ZNF674: variants seen among roughly 807,000 people sequenced by gnomAD.
ZNF674 encodes the protein zinc finger protein 674, also known as zinc finger family member 674.
In ZNF674, 2 loss-of-function variants were observed where a neutral mutation model predicts 7.0. The observed-to-expected ratio is 0.29, with a 90% CI of 0.12 to 0.90. The LOEUF (loss-of-function observed/expected upper bound fraction) is 0.90. Among genes scored for constraint, ZNF674 ranks in the 40% least tolerant of loss-of-function variants. The probability of loss-of-function intolerance (pLI) is 0.57; values close to 1 mark genes in which losing one functional copy is unlikely to be tolerated. For synonymous variants in ZNF674, 103 were observed against 145.2 expected (o/e 0.71, Z 2.09); for missense variants, 297 against 415.5 (o/e 0.71, Z 2.48).
chrX:46,536,251 G>C (rs928192091), intron 3 of ZNF674, among the ~76,000 whole-genome samples: 2 of 110,876 alleles, frequency 1.8e-5, no homozygotes, highest in Admixed American at 1.9e-4. Flanking sequence ...CTTGAGCTCA[G>C]GAGTTTGAAA....
chrX:46,512,720 C>T (rs545923749), intron 5 of ZNF674, among the ~76,000 whole-genome samples: 54 of 106,858 alleles, frequency 5.1e-4, no homozygotes, highest in African/African-American at 1.8e-3. Context: ...GCCGAGATGG[C>T]ACCACTGCAC....
chrX:46,544,276 G>A (rs1031737273), intron 2 of ZNF674, among the ~76,000 whole-genome samples: 1 of 113,021 alleles, frequency 8.8e-6, no homozygotes. Flanking sequence ...GAGGGACAAA[G>A]GCCACTACGG....
chrX:46,513,328 C>G (rs755332539), intron 5 of ZNF674, among the ~76,000 whole-genome samples: 1 of 111,760 alleles, frequency 8.9e-6, no homozygotes, highest in Admixed American at 9.5e-5. Flanking sequence ...GGAAATCTAA[C>G]TAGTCAATAA....
chrX:46,519,264 A>AGATAGAT (rs1556015268), intron 5 of ZNF674, among the ~76,000 whole-genome samples: 19 of 57,801 alleles, frequency 3.3e-4, no homozygotes, highest in East Asian at 1.3e-3. Context: ...ATAGATAGAT[A>AGATAGAT]AAGATAGATG....
At chrX:46,536,985 C>G (rs780669684) in intron 3 of ZNF674, among the ~76,000 whole-genome samples, 3 of 111,852 alleles carry the variant, frequency 2.7e-5, no homozygotes, top group Non-Finnish European at 5.6e-5. Context: ...AATTGACTCA[C>G]ACAGGACGGG....
At chrX:46,509,647 TG>T (rs754399208) in intron 5 of ZNF674, among the ~76,000 whole-genome samples, 11 of 98,326 alleles carry the variant, frequency 1.1e-4, no homozygotes, top group Middle Eastern at 4.8e-3. Flanking sequence ...CAACAGATGC[TG>T]GAGAGGATGT....
Position 46,537,905 on chromosome X carries a change from A to AG in ZNF674, c.15+4167dup, listed in dbSNP as rs758849494. Among the ~76,000 whole-genome samples, 354 of 111,820 alleles carry AG rather than the reference A, an allele frequency of 3.2e-3. 3 individuals carry two copies. Among genetic ancestry groups the AG allele is most frequent in the Middle Eastern group, 0.014 (3 of 217 alleles). On this transcript the variant is annotated intron_variant, in intron 3 of 5. Transcript: ENST00000683375. ...GGAATTCAAGATCGGCCTGGCCAGC[A>AG]GGGTGAAACCCCGTCTCTACTAAAA...
Position 46,499,496 on chromosome X carries a change from TTA to T in ZNF674, c.*345_*346del, listed in dbSNP as rs1941373037. 7.7e-6 allele frequency: 1 copy of T among 130,359 alleles called. No homozygotes were observed. Among genetic ancestry groups the T allele is most frequent in the Admixed American group, 8.3e-5 (1 of 12,096 alleles). The allele number at this position is 130,359 out of a possible 1,213,427, so 10.7% of individuals were successfully genotyped here. On this transcript the variant is annotated 3_prime_UTR_variant, in exon 6 of 6. Coordinates refer to ENST00000683375, the MANE Select transcript of ZNF674 (RefSeq NM_001190417.2). ...ATGGTTTTATAAGCTCACTAAATTC[TTA>T]GTTTTCCTCGGCATACATACTCTGA...
chrX:46,530,711 T>C (rs1467360426), intron 3 of ZNF674, among the ~76,000 whole-genome samples: 2 of 113,228 alleles, frequency 1.8e-5, no homozygotes, highest in Non-Finnish European at 3.7e-5. Context: ...TCTGAAGTGA[T>C]CAAAGTGTCT....
At chrX:46,536,977 T>C (rs748570385) in intron 3 of ZNF674, among the ~76,000 whole-genome samples, 3 of 111,706 alleles carry the variant, frequency 2.7e-5, no homozygotes, top group East Asian at 2.8e-4. Flanking sequence ...ATGATAAAAA[T>C]TGACTCACAC....
At position 46,521,268 on chromosome X, in the gene ZNF674, T is replaced by G. The variant is rs1388538737; in HGVS notation, c.238+7082A>C. Among the ~76,000 whole-genome samples, 3 of 109,633 alleles carry G rather than the reference T, an allele frequency of 2.7e-5. No homozygotes were observed. The East Asian group carries it at 8.6e-4, about 32-fold the overall frequency. On this transcript the variant is annotated intron_variant, in intron 5 of 5. Transcript: ENST00000683375. The stretch of plus-strand genomic sequence containing the variant: ...AGTATGCTTGCAATAAAGCATTGAT[T>G]AATATGTACTCTACCGAAAATAGTG...
At chrX:46,529,134 C>T (rs1300924847) in intron 3 of ZNF674, 8 of 556,118 alleles carry the variant, frequency 1.4e-5, no homozygotes, top group East Asian at 3.8e-5. Context: ...ATGAGGGATT[C>T]GAATCCACGC....
At chrX:46,502,391 C>G (rs1902469918) in intron 5 of ZNF674, among the ~76,000 whole-genome samples, 1 of 109,288 alleles carries the variant, frequency 9.2e-6, no homozygotes, top group Non-Finnish European at 1.9e-5. Flanking sequence ...TTTAAATATA[C>G]TCACATTCCT....
At chrX:46,542,572 G>T (rs1252956036) in intron 2 of ZNF674, among the ~76,000 whole-genome samples, 2 of 110,825 alleles carry the variant, frequency 1.8e-5, no homozygotes. Flanking sequence ...AAAATTAGCT[G>T]GCGTGGTGGT....
In ZNF674 at chrX:46,504,340, C is replaced by T. The variant is rs138382225; in HGVS notation, c.239-3005G>A. Among the ~76,000 whole-genome samples, 47 of 110,353 alleles carry T rather than the reference C, an allele frequency of 4.3e-4. No individual in the cohort carries two copies. In the East Asian group the frequency reaches 0.013, roughly 29 times the overall value. On this transcript the variant is annotated intron_variant, in intron 5 of 5. Coordinates refer to ENST00000683375, the MANE Select transcript of ZNF674 (RefSeq NM_001190417.2). ...CAGAAAGCAAGTTGCAGAAAGATCC[C>T]TATAATTTTTTTTTTTTTTGAGATG...
At chrX:46,528,685 C>A in intron 4 of ZNF674, 98 bp downstream of exon 4, 1 of 1,151,872 alleles carries the variant, frequency 8.7e-7, no homozygotes, top group Non-Finnish European at 1.2e-6. Context: ...AGGGTGGTAA[C>A]CCACACTCAT....
chrX:46,532,753 G>A (rs1195694487), intron 3 of ZNF674, among the ~76,000 whole-genome samples: 1 of 111,999 alleles, frequency 8.9e-6, no homozygotes, highest in Non-Finnish European at 1.9e-5. Flanking sequence ...TAGACCACAG[G>A]TGTCCAATCT....
At chrX:46,511,142 A>G (rs1941646341) in intron 5 of ZNF674, among the ~76,000 whole-genome samples, 1 of 112,371 alleles carries the variant, frequency 8.9e-6, no homozygotes, top group African/African-American at 3.2e-5. Flanking sequence ...AAAGAATGCA[A>G]TATCATTGTA....
At chrX:46,532,168 C>CA (rs1368329984) in intron 3 of ZNF674, among the ~76,000 whole-genome samples, 1 of 111,267 alleles carries the variant, frequency 9.0e-6, no homozygotes, top group Admixed American at 9.6e-5. Flanking sequence ...AACTCCGTCT[C>CA]AAAAAAACAA....
Sources: allele counts gnomAD v4.1 joint callset (sites outside exome capture counted in the v4.1 genomes callset), GRCh38; gene constraint gnomAD v4.1.1; transcripts MANE v1.5; gene names NCBI Gene and HGNC (gene_info 2026-07-23, HGNC 2026-07-21).